Variants in SLC2A13 observed in about 807,000 individuals in gnomAD.
The protein encoded by SLC2A13 is solute carrier family 2 member 13.
SLC2A13 carries 32 observed loss-of-function variants against 64.4 expected under a neutral mutation model. The observed-to-expected ratio is 0.50, with a 90% confidence interval of 0.37 to 0.67. The LOEUF (loss-of-function observed/expected upper bound fraction) is 0.67. Among genes scored for constraint, SLC2A13 ranks in the 30% least tolerant of loss-of-function variants. SLC2A13 has a pLI of 0.00. For synonymous variants in SLC2A13, 338 were observed against 327.1 expected (o/e 1.03, Z -0.36); for missense variants, 743 against 829.2 (o/e 0.90, Z 1.28).
chr12:39,920,348 C>G lies in SLC2A13; in HGVS notation c.1034+30909G>C, dbSNP rs12310787. Among the ~76,000 whole-genome samples, 1,189 of 152,118 alleles carry G rather than the reference C, an allele frequency of 7.8e-3. 27 individuals are homozygous for G. Among genetic ancestry groups the G allele is most frequent in the African/African-American group, 0.027 (1,126 of 41,448 alleles). The stretch of plus-strand genomic sequence containing the variant: ...GTTCTGAACAACGTAGATGCCCAAC[C>G]AAATGCTGGAAAAAACTGAGTTACT... On this transcript the variant is annotated intron_variant, in intron 4 of 9. Transcript: ENST00000280871.
chr12:39,965,572 A>C (rs1194057976), intron 3 of SLC2A13, among the ~76,000 whole-genome samples: 2 of 152,174 alleles, frequency 1.3e-5, no homozygotes, highest in Non-Finnish European at 2.9e-5. Context: ...TCAAAAATAA[A>C]TTTCACAGAT....
In SLC2A13 at chr12:39,756,916, A is replaced by T. The variant is rs908288174; in HGVS notation, c.*3110T>A. On this transcript the variant is annotated 3_prime_UTR_variant, in exon 10 of 10. Transcript: ENST00000280871. ...TCATAGCATTTTGTATCAGGGAACTACTGTGTATGGCTGGGAACAAAATTT... is the reference window on the plus strand; with the variant it reads ...TCATAGCATTTTGTATCAGGGAACTTCTGTGTATGGCTGGGAACAAAATTT... The T allele has an allele frequency of 6.6e-6, 1 of 151,584 alleles. No homozygotes were observed. Among genetic ancestry groups the T allele is most frequent in the Non-Finnish European group, 1.5e-5 (1 of 67,660 alleles). The allele number at this position is 151,584 out of a possible 1,614,324, so 9.4% of individuals were successfully genotyped here. A position where few individuals can be genotyped will look rare whatever the true frequency, so the allele number is the denominator to read the frequency against.
chr12:39,928,439 A>G (rs1945764892), intron 4 of SLC2A13, among the ~76,000 whole-genome samples: 1 of 152,184 alleles, frequency 6.6e-6, no homozygotes, highest in African/African-American at 2.4e-5. Flanking sequence ...TTCTTTTAGA[A>G]CATGAGGAAT....
chr12:40,097,528 G>A lies in SLC2A13; in HGVS notation c.556+7725C>T, dbSNP rs569413151. Among the ~76,000 whole-genome samples the A allele has an allele frequency of 2.0e-5, 3 of 152,100 alleles. No individual in the cohort carries two copies. In the South Asian group the frequency reaches 6.2e-4, roughly 32 times the overall value. On this transcript the variant is annotated intron_variant, in intron 1 of 9. Transcript: ENST00000280871. ...GAACTTCTACAACTCAATAGCAACTGCAATAAACCAATTAAAAATAGGTCA... is the reference window on the plus strand; with the variant it reads ...GAACTTCTACAACTCAATAGCAACTACAATAAACCAATTAAAAATAGGTCA...
At chr12:39,902,937 A>AT (rs1945172327) in intron 4 of SLC2A13, among the ~76,000 whole-genome samples, 1 of 152,112 alleles carries the variant, frequency 6.6e-6, no homozygotes, top group African/African-American at 2.4e-5. Flanking sequence ...TGAGTTGCAC[A>AT]CAAACTGTTG....
intron 5 of SLC2A13, among the ~76,000 whole-genome samples, chr12:39,865,540 A>C (rs892051538): frequency 1.1e-4 from 17 of 152,220 alleles, no homozygotes; most frequent in South Asian, 2.1e-4. Context: ...ATATCACTTA[A>C]AAGAATAATT....
chr12:39,982,467 A>G (rs1432539246), intron 3 of SLC2A13, among the ~76,000 whole-genome samples: 1 of 151,460 alleles, frequency 6.6e-6, no homozygotes, highest in East Asian at 2.0e-4. Context: ...CTGATAAGCA[A>G]CTTCAGCAAA....
chr12:39,891,484 C>A (rs777138897), intron 4 of SLC2A13, among the ~76,000 whole-genome samples: 16 of 152,130 alleles, frequency 1.1e-4, no homozygotes, highest in Admixed American at 2.6e-4. Flanking sequence ...CTTAAGAAAG[C>A]ATATGAAAAT....
At chr12:39,945,964 GT>G (rs1565555373) in intron 4 of SLC2A13, among the ~76,000 whole-genome samples, 1 of 152,136 alleles carries the variant, frequency 6.6e-6, no homozygotes, top group Non-Finnish European at 1.5e-5. Context: ...TGGCCTTCTG[GT>G]TCCTTCTTAT....
Position 40,105,389 on chromosome 12 carries a change from G to T in SLC2A13, c.420C>A (p.Ala140=). Residue 140 remains alanine, a synonymous_variant, in exon 1 of 10, where the codon GCC becomes GCA. Transcript: ENST00000280871. This position sits in a 1 kb window ranked among gnomAD's most constrained non-coding sequence, Gnocchi z 4.2. ...AAAVSALAGG[A]LNGVFGRRAA... Reference sequence around the variant, plus strand: ...CGCGGCGGCCGAAGACGCCGTTGAGGGCGCCTCCGGCCAGCGCCGAGACGG... The same window carrying T: ...CGCGGCGGCCGAAGACGCCGTTGAGTGCGCCTCCGGCCAGCGCCGAGACGG... 3 of 1,559,694 alleles carry T rather than the reference G, an allele frequency of 1.9e-6. No homozygotes were observed. Among genetic ancestry groups the T allele is most frequent in the Non-Finnish European group, 2.6e-6 (3 of 1,153,200 alleles).
At chr12:39,889,331 T>G (rs1351600766) in intron 4 of SLC2A13, among the ~76,000 whole-genome samples, 2 of 152,038 alleles carry the variant, frequency 1.3e-5, no homozygotes, top group African/African-American at 2.4e-5. Context: ...GATTTATATA[T>G]CTATATATTT....
At chr12:40,061,281 C>T (rs1406956663) in intron 1 of SLC2A13, among the ~76,000 whole-genome samples, 1 of 152,040 alleles carries the variant, frequency 6.6e-6, no homozygotes, top group Non-Finnish European at 1.5e-5. Context: ...GAAGGGCAAT[C>T]AGTCTGGACT....
At chr12:39,768,177 T>C (rs1286662487) in intron 7 of SLC2A13, among the ~76,000 whole-genome samples, 5 of 152,086 alleles carry the variant, frequency 3.3e-5, no homozygotes, top group African/African-American at 4.8e-5. Context: ...AAACTTTTCT[T>C]CTACAGCTTC....
chr12:39,973,217 T>C (rs28370723), intron 3 of SLC2A13, among the ~76,000 whole-genome samples: 2 of 152,114 alleles, frequency 1.3e-5, no homozygotes, highest in African/African-American at 4.8e-5. Flanking sequence ...ACTAAGCAGA[T>C]TCAATGATCA....
intron 4 of SLC2A13, among the ~76,000 whole-genome samples, chr12:39,898,059 G>C (rs758586273): frequency 7.9e-5 from 12 of 152,008 alleles, no homozygotes; most frequent in Non-Finnish European, 1.6e-4. Context: ...TCATTATATT[G>C]AGGAGGCTTT....
intron 1 of SLC2A13, among the ~76,000 whole-genome samples, chr12:40,090,265 TTAATAA>T (rs1353140841): frequency 1.3e-5 from 2 of 152,214 alleles, no homozygotes; most frequent in Non-Finnish European, 1.5e-5. Flanking sequence ...CAAATCTTCA[TTAATAA>T]TATTTTATAA....
At chr12:40,099,242 A>T (rs1349761932) in intron 1 of SLC2A13, among the ~76,000 whole-genome samples, 1 of 152,224 alleles carries the variant, frequency 6.6e-6, no homozygotes, top group East Asian at 1.9e-4. Context: ...GGAAGTTTTG[A>T]TACTATTAGA....
chr12:39,807,771 T>G (rs1013222099), intron 7 of SLC2A13, among the ~76,000 whole-genome samples: 1 of 152,180 alleles, frequency 6.6e-6, no homozygotes, highest in Non-Finnish European at 1.5e-5. Context: ...GAGAGTTGGG[T>G]CTTCTCCCCC....
chr12:39,865,006 TG>T (rs2135927366), intron 5 of SLC2A13, 124 bp from the exon 6 acceptor site: 1 of 844,990 alleles, frequency 1.2e-6, no homozygotes, highest in South Asian at 2.2e-5. Flanking sequence ...AAAAATACCG[TG>T]CTCTATCTTC....
Sources: gnomAD v4.1 joint callset for allele counts (sites outside exome capture counted in the v4.1 genomes callset) on GRCh38, gnomAD v4.1.1 for gene constraint, Gnocchi (gnomAD v3.1) non-coding constraint, MANE v1.5 for transcripts, NCBI Gene and HGNC (gene_info 2026-07-23, HGNC 2026-07-21) for gene names.